Variants in NPY2R observed in about 807,000 individuals in gnomAD.
NPY2R encodes the protein neuropeptide Y receptor Y2.
A neutral mutation model predicts 22.3 loss-of-function variants in NPY2R; 17 were observed. The observed-to-expected ratio is 0.76, with a 90% CI of 0.52 to 1.14. NPY2R has a LOEUF of 1.14. Among genes scored for constraint, NPY2R ranks in the 50% most tolerant of loss-of-function variants. The pLI is 0.00. For missense variants in NPY2R, 424 were observed against 467.9 expected (o/e 0.91, Z 0.87); for synonymous variants, 209 against 183.4 (o/e 1.14, Z -1.13).
At chr4:155,205,492 C>G (rs912019817), upstream of NPY2R, among the ~76,000 whole-genome samples, 3 of 151,986 alleles carry the variant, frequency 2.0e-5, no homozygotes, top group Non-Finnish European at 1.5e-5. Flanking sequence ...TATTATTGAA[C>G]TTTTTTAATG....
chr4:155,207,260 A>G (rs1004417160), upstream of NPY2R: 1 of 152,228 alleles, frequency 6.6e-6, no homozygotes, highest in African/African-American at 2.4e-5. Flanking sequence ...GAAGCCTTTA[A>G]TTAACATCTT....
At chr4:155,204,480 A>C (rs1371151727), upstream of NPY2R, among the ~76,000 whole-genome samples, 1 of 152,172 alleles carries the variant, frequency 6.6e-6, no homozygotes, top group East Asian at 1.9e-4. Context: ...ACTTGGCTTA[A>C]GGAAAAAATT....
In NPY2R at chr4:155,209,736, C is replaced by T. The variant is rs113042244; in HGVS notation, c.-49+667C>T. On this transcript the variant is annotated intron_variant, in intron 1 of 1. Coordinates refer to ENST00000329476, the MANE Select transcript of NPY2R (RefSeq NM_000910.4). ...CTAATTAGTGTAGGCAAATGCAGGG[C>T]TTTTGATTTCTGAGACTGATTTCTG... Among the ~76,000 whole-genome samples, 137 of 152,122 alleles carry T rather than the reference C, an allele frequency of 9.0e-4. 2 individuals are homozygous for T. Among genetic ancestry groups the T allele is most frequent in the African/African-American group, 3.2e-3 (133 of 41,510 alleles).
At chr4:155,182,854 G>A in the NPY2R span, among the ~76,000 whole-genome samples, 2 of 152,064 alleles carry the variant, frequency 1.3e-5, no homozygotes, top group Admixed American at 1.3e-4. Flanking sequence ...GTGCAGTGGC[G>A]CGATCTTGGC....
At chr4:155,192,471 T>C in the NPY2R span, among the ~76,000 whole-genome samples, 1 of 151,944 alleles carries the variant, frequency 6.6e-6, no homozygotes, top group East Asian at 1.9e-4. Context: ...TAATGCTCAA[T>C]TTACATTCTT....
At chr4:155,208,421 C>T (rs559421718), upstream of NPY2R, 14 of 152,434 alleles carry the variant, frequency 9.2e-5, no homozygotes, top group African/African-American at 3.1e-4. This position sits in a 1 kb window ranked among gnomAD's most constrained non-coding sequence, Gnocchi z 5.6. Context: ...TCTGTCTTCG[C>T]CGGGCCAGCT....
upstream of NPY2R, among the ~76,000 whole-genome samples, chr4:155,203,647 T>G (rs1245845892): frequency 6.6e-6 from 1 of 152,150 alleles, no homozygotes; most frequent in African/African-American, 2.4e-5. Flanking sequence ...ATTGAGAATC[T>G]ATATTATAAC....
rs916136414 is a variant in NPY2R at position 155,213,426 on chromosome 4, T to C, written c.-48-466T>C. 1.3e-5 allele frequency among the ~76,000 whole-genome samples: 2 copies of C among 152,180 alleles called. 1 individual carries two copies. The highest frequency in any genetic ancestry group is 1.3e-4 in the Admixed American group (2 of 15,276). ...GCACCAGACAAATAGTTTTAATATG[T>C]TCCCCTTTCTTATACAATTTGTTGC... On this transcript the variant is annotated intron_variant, in intron 1 of 1. Transcript: ENST00000329476.
the NPY2R span, among the ~76,000 whole-genome samples, chr4:155,197,926 G>A: frequency 6.6e-5 from 10 of 151,726 alleles, no homozygotes; most frequent in African/African-American, 1.9e-4. Context: ...TGTGCCTGGC[G>A]GGCTCTGCAC....
Position 155,216,123 on chromosome 4 carries a change from A to G in NPY2R, c.*1038A>G, listed in dbSNP as rs1218070651. On this transcript the variant is annotated 3_prime_UTR_variant, in exon 2 of 2. Transcript: ENST00000329476. ...CACGGACCCATTCATACTAAATAAA[A>G]CAATGTAATTACATTAAAATGGACC... 6.0e-6 allele frequency: 1 copy of G among 167,072 alleles called. No homozygotes were observed. The highest frequency in any genetic ancestry group is 1.5e-5 in the Non-Finnish European group (1 of 68,110). 10.3% of individuals were successfully genotyped at this position (167,072 alleles called of 1,614,324 possible). A position where few individuals can be genotyped will look rare whatever the true frequency, so the allele number is the denominator to read the frequency against.
chr4:155,207,892 A>T (rs12507396), upstream of NPY2R: 15,887 of 152,222 alleles, frequency 0.1, 983 homozygotes, highest in East Asian at 0.17. Context: ...CTAGCTTTTA[A>T]CCTGAGCCAG....
the NPY2R span, among the ~76,000 whole-genome samples, chr4:155,181,828 T>C: frequency 9.9e-5 from 15 of 152,260 alleles, no homozygotes; most frequent in East Asian, 2.9e-3. Flanking sequence ...CACCAAGACA[T>C]TGACAAATAC....
the NPY2R span, among the ~76,000 whole-genome samples, chr4:155,193,637 G>T: frequency 1.6e-4 from 24 of 152,044 alleles, no homozygotes; most frequent in Admixed American, 9.9e-4. Context: ...GTCCACCTAG[G>T]CATGGCACTG....
At chr4:155,188,083 T>C in the NPY2R span, among the ~76,000 whole-genome samples, 1 of 152,116 alleles carries the variant, frequency 6.6e-6, no homozygotes, top group African/African-American at 2.4e-5. Flanking sequence ...TTTGAGGCCC[T>C]ATTCCACATA....
At position 155,215,002 on chromosome 4, in the gene NPY2R, G is replaced by A. The variant is rs201560340; in HGVS notation, c.1063G>A (p.Val355Met). 124 of 1,614,116 alleles carry A rather than the reference G, an allele frequency of 7.7e-5. No individual in the cohort carries two copies. The highest frequency in any genetic ancestry group is 4.0e-4 in the South Asian group (36 of 91,086). ...RLDAIHSEVS[V>M]TFKAKKNLEV... Reference sequence around the variant, plus strand: ...GGATGCCATTCACTCTGAGGTGTCCGTGACATTCAAGGCTAAAAAGAACCT... The same window carrying A: ...GGATGCCATTCACTCTGAGGTGTCCATGACATTCAAGGCTAAAAAGAACCT... The change falls in exon 2 of 2, where the codon GTG becomes ATG. Residue 355 changes from valine (V) to methionine (M), a missense_variant. Physicochemically the swap from Val to Met is conservative, Grantham distance 21. Coordinates refer to ENST00000329476, the MANE Select transcript of NPY2R (RefSeq NM_000910.4).
the NPY2R span, among the ~76,000 whole-genome samples, chr4:155,177,374 G>A: frequency 6.6e-6 from 1 of 152,158 alleles, no homozygotes; most frequent in Non-Finnish European, 1.5e-5. Context: ...CCAGAAGAAA[G>A]GGCTAATGGG....
the NPY2R span, among the ~76,000 whole-genome samples, chr4:155,187,473 A>G: frequency 2.0e-4 from 30 of 152,116 alleles, no homozygotes; most frequent in Non-Finnish European, 3.7e-4. Context: ...AGAACCAAAG[A>G]CACAAAGAAA....
chr4:155,180,042 G>T, the NPY2R span, among the ~76,000 whole-genome samples: 1 of 151,214 alleles, frequency 6.6e-6, no homozygotes, highest in East Asian at 1.9e-4. Context: ...TTACAACAGA[G>T]GGGTGATTCC....
the NPY2R span, among the ~76,000 whole-genome samples, chr4:155,179,482 C>G: frequency 2.6e-5 from 4 of 152,246 alleles, no homozygotes; most frequent in East Asian, 7.7e-4. Flanking sequence ...TAGTCACTAC[C>G]CTTGGGTTTA....
Sources: allele counts gnomAD v4.1 joint callset (sites outside exome capture counted in the v4.1 genomes callset), GRCh38; gene constraint gnomAD v4.1.1; non-coding constraint Gnocchi (gnomAD v3.1); transcripts MANE v1.5; gene names NCBI Gene and HGNC (gene_info 2026-07-23, HGNC 2026-07-21).